The following CFAP20DC variants were observed in gnomAD, a reference collection of about 807,000 sequenced individuals.
CFAP20DC encodes CFAP20 domain containing, also known as protein CFAP20DC.
CFAP20DC carries 84 observed loss-of-function variants against 101.7 expected under a neutral mutation model. The observed-to-expected ratio is 0.83, with a 90% CI of 0.69 to 0.99. The LOEUF (loss-of-function observed/expected upper bound fraction) is 0.99. CFAP20DC is among the 50% of genes least tolerant of loss of function. CFAP20DC has a pLI of 0.00. For missense variants in CFAP20DC, 1,007 were observed against 970.3 expected (o/e 1.04, Z -0.50); for synonymous variants, 359 against 351.2 (o/e 1.02, Z -0.25).
At chr3:58,946,337 G>A (rs759424562) in intron 4 of CFAP20DC, among the ~76,000 whole-genome samples, 18 of 150,942 alleles carry the variant, frequency 1.2e-4, no homozygotes, top group Non-Finnish European at 2.2e-4. Context: ...GGCTGGTCTC[G>A]AACTCCTGAC....
chr3:58,991,576 G>C (rs1445291191), intron 4 of CFAP20DC, among the ~76,000 whole-genome samples: 1 of 152,090 alleles, frequency 6.6e-6, no homozygotes, highest in Non-Finnish European at 1.5e-5. Flanking sequence ...TTCTATGAAC[G>C]GGGTAGGGGG....
chr3:58,979,628 T>C (rs1011980113), intron 4 of CFAP20DC, among the ~76,000 whole-genome samples: 1 of 152,178 alleles, frequency 6.6e-6, no homozygotes, highest in African/African-American at 2.4e-5. Flanking sequence ...ATATTGATCC[T>C]ACCTTAAGCA....
chr3:58,841,106 C>T (rs762615079), intron 13 of CFAP20DC, among the ~76,000 whole-genome samples: 6 of 152,202 alleles, frequency 3.9e-5, no homozygotes, highest in Non-Finnish European at 8.8e-5. Context: ...TAGAAACTGC[C>T]AAAGGAGGGA....
Position 58,899,695 on chromosome 3 carries a change from T to C in CFAP20DC, c.550+14013A>G, listed in dbSNP as rs1370518802. ...TGGTTTCCTGGGCAGGACTGCACAA[T>C]CACTCACCGCTTCCCTTGGCTGGGG... On this transcript the variant is annotated intron_variant, in intron 6 of 16. Transcript: ENST00000482387. The surrounding 1 kb of genome is among the most constrained non-coding windows in gnomAD (Gnocchi z 5.0). 6.6e-6 allele frequency among the ~76,000 whole-genome samples: 1 copy of C among 152,146 alleles called. No homozygotes were observed. Among genetic ancestry groups the C allele is most frequent in the Non-Finnish European group, 1.5e-5 (1 of 68,022 alleles).
rs1383172911 is a variant in CFAP20DC at position 58,815,266 on chromosome 3, C to T, written c.2176-8810G>A. ...AAAACAAGCAATGGGGAAAGGATTCCCTATTTAATAAATGGTGCTGGGAAA... is the reference window on the plus strand; with the variant it reads ...AAAACAAGCAATGGGGAAAGGATTCTCTATTTAATAAATGGTGCTGGGAAA... On this transcript the variant is annotated intron_variant, in intron 14 of 16. Transcript: ENST00000482387. Among the ~76,000 whole-genome samples, 12 of 151,008 alleles carry T rather than the reference C, an allele frequency of 7.9e-5. 1 individual carries two copies. The highest frequency in any genetic ancestry group is 8.9e-5 in the Non-Finnish European group (6 of 67,760).
Position 58,788,517 on chromosome 3 carries a change from G to A in CFAP20DC, c.2237+17878C>T, listed in dbSNP as rs993493149. On this transcript the variant is annotated intron_variant, in intron 15 of 16. Coordinates refer to ENST00000482387, the MANE Select transcript of CFAP20DC (RefSeq NM_001394063.1). The surrounding 1 kb of genome is among the most constrained non-coding windows in gnomAD (Gnocchi z 4.2). ...CGACTTTCCTAAATCTCAGCAAGACGTGGCTGGTCACAAAATGGGATGCTA... is the reference window on the plus strand; with the variant it reads ...CGACTTTCCTAAATCTCAGCAAGACATGGCTGGTCACAAAATGGGATGCTA... Among the ~76,000 whole-genome samples, 2 of 152,098 alleles carry A rather than the reference G, an allele frequency of 1.3e-5. No individual in the cohort carries two copies. The highest frequency in any genetic ancestry group is 2.9e-5 in the Non-Finnish European group (2 of 68,012).
intron 13 of CFAP20DC, among the ~76,000 whole-genome samples, chr3:58,843,309 A>G (rs1185213909): frequency 6.6e-6 from 1 of 151,890 alleles, no homozygotes; most frequent in Non-Finnish European, 1.5e-5. Context: ...AATACAGAGA[A>G]GTGCTTAAAG....
At chr3:58,759,824 T>C (rs1298232138) in intron 15 of CFAP20DC, among the ~76,000 whole-genome samples, 1 of 152,246 alleles carries the variant, frequency 6.6e-6, no homozygotes, top group African/African-American at 2.4e-5. Flanking sequence ...TTCCCAGGTT[T>C]ATCAAAGATC....
Position 58,868,759 on chromosome 3 carries a change from T to C in CFAP20DC, c.1015+569A>G, listed in dbSNP as rs1257445596. 6.6e-6 allele frequency among the ~76,000 whole-genome samples: 1 copy of C among 152,202 alleles called. No individual in the cohort carries two copies. The highest frequency in any genetic ancestry group is 1.5e-5 in the Non-Finnish European group (1 of 68,010). On this transcript the variant is annotated intron_variant, in intron 9 of 16. Coordinates refer to ENST00000482387, the MANE Select transcript of CFAP20DC (RefSeq NM_001394063.1). This position sits in a 1 kb window ranked among gnomAD's most constrained non-coding sequence, Gnocchi z 4.6. ...AATGTCCTCCCTTTTCAACTCTCAGTAAAGTCAGATCAGTAAGGGTAGAAA... is the reference window on the plus strand; with the variant it reads ...AATGTCCTCCCTTTTCAACTCTCAGCAAAGTCAGATCAGTAAGGGTAGAAA...
At chr3:58,866,434 A>C (rs1308645912) in intron 11 of CFAP20DC, 132 bp downstream of exon 11, 14 of 671,862 alleles carry the variant, frequency 2.1e-5, no homozygotes, top group Non-Finnish European at 3.3e-5. Context: ...GTTAAATAAG[A>C]AGATTTACAC....
At chr3:58,740,300 G>A (rs977944565), downstream of CFAP20DC, among the ~76,000 whole-genome samples, 1 of 152,160 alleles carries the variant, frequency 6.6e-6, no homozygotes, top group Non-Finnish European at 1.5e-5. This position sits in a 1 kb window ranked among gnomAD's most constrained non-coding sequence, Gnocchi z 4.6. Context: ...TCTTAACAGT[G>A]CCCTCTTCTC....
chr3:58,755,242 G>A (rs2068856435), intron 15 of CFAP20DC, among the ~76,000 whole-genome samples: 1 of 152,122 alleles, frequency 6.6e-6, no homozygotes, highest in Non-Finnish European at 1.5e-5. Context: ...TATGCAAGGT[G>A]AGCATGCTGT....
At chr3:58,815,760 T>C (rs1352438220) in intron 14 of CFAP20DC, among the ~76,000 whole-genome samples, 1 of 149,444 alleles carries the variant, frequency 6.7e-6, no homozygotes, top group East Asian at 2.0e-4. Flanking sequence ...CATGAAAAAA[T>C]GCTCATCATC....
intron 4 of CFAP20DC, among the ~76,000 whole-genome samples, chr3:58,963,077 G>C (rs1199162962): frequency 6.6e-6 from 1 of 151,976 alleles, no homozygotes; most frequent in East Asian, 1.9e-4. Flanking sequence ...TGGCAATGGA[G>C]CTGCTGATTT....
At chr3:59,044,691 GA>G (rs1196446308) in intron 3 of CFAP20DC, among the ~76,000 whole-genome samples, 2 of 151,970 alleles carry the variant, frequency 1.3e-5, no homozygotes, top group African/African-American at 4.8e-5. Context: ...AAAAGTGATT[GA>G]TTTTTTTAAT....
intron 5 of CFAP20DC, among the ~76,000 whole-genome samples, chr3:58,935,632 T>C: frequency 6.6e-6 from 1 of 152,146 alleles, no homozygotes; most frequent in Non-Finnish European, 1.5e-5. Flanking sequence ...TATCTACAAC[T>C]ATCTGATCTT....
intron 5 of CFAP20DC, among the ~76,000 whole-genome samples, chr3:58,916,069 G>GTATACAA (rs1559817003): frequency 6.6e-6 from 1 of 151,998 alleles, no homozygotes; most frequent in East Asian, 1.9e-4. Flanking sequence ...GAGCCAAGTG[G>GTATACAA]CTCTCTATGA....
At chr3:58,822,317 A>AAACC (rs1379986505) in intron 14 of CFAP20DC, among the ~76,000 whole-genome samples, 147 of 140,890 alleles carry the variant, frequency 1.0e-3, no homozygotes, top group African/African-American at 3.8e-3. Context: ...ATGAAAAAAC[A>AAACC]AACAAACAAA....
At chr3:58,901,068 G>A (rs1159135967) in intron 6 of CFAP20DC, among the ~76,000 whole-genome samples, 1 of 152,106 alleles carries the variant, frequency 6.6e-6, no homozygotes, top group Admixed American at 6.5e-5. Flanking sequence ...ATAGTTTGCT[G>A]GTCTCAGACT....
Sources: allele counts gnomAD v4.1 joint callset (sites outside exome capture counted in the v4.1 genomes callset), GRCh38; gene constraint gnomAD v4.1.1; non-coding constraint Gnocchi (gnomAD v3.1); transcripts MANE v1.5; gene names NCBI Gene and HGNC (gene_info 2026-07-23, HGNC 2026-07-21).